The following DACH1 variants were observed in gnomAD, a reference collection of about 807,000 sequenced individuals.
The protein encoded by DACH1 is dachshund homolog 1.
Under a neutral mutation model 54.2 loss-of-function variants are expected in DACH1, and 12 were observed. That is an observed-to-expected ratio of 0.22 (90% CI 0.14 to 0.36). DACH1 has a LOEUF of 0.36. DACH1 is among the 10% of genes least tolerant of loss of function. The pLI is 1.00. For missense variants in DACH1, 805 were observed against 929.8 expected, an observed-to-expected ratio of 0.87 and a Z score of 1.75; for synonymous variants, 386 against 366.2, an observed-to-expected ratio of 1.05 and a Z score of -0.62.
At chr13:71,540,458 CTTTTG>C (rs1167471638) in intron 6 of DACH1, among the ~76,000 whole-genome samples, 1 of 152,060 alleles carries the variant, frequency 6.6e-6, no homozygotes, top group Non-Finnish European at 1.5e-5. Context: ...CAGGATGCCT[CTTTTG>C]TTTTAACTAT....
At chr13:71,529,694 C>T (rs929172200) in intron 6 of DACH1, among the ~76,000 whole-genome samples, 9 of 152,096 alleles carry the variant, frequency 5.9e-5, no homozygotes, top group African/African-American at 2.2e-4. Context: ...CTGTATATCA[C>T]CATTCATCTT....
intron 3 of DACH1, among the ~76,000 whole-genome samples, chr13:71,613,621 T>A (rs879324292): frequency 8.5e-5 from 13 of 152,164 alleles, no homozygotes; most frequent in African/African-American, 3.1e-4. Flanking sequence ...GGAATTTGAA[T>A]CCTAGATATG....
intron 1 of DACH1, among the ~76,000 whole-genome samples, chr13:71,722,164 A>G (rs1446263163): frequency 1.3e-5 from 2 of 152,166 alleles, no homozygotes; most frequent in Non-Finnish European, 1.5e-5. Flanking sequence ...AAAGTGAGGA[A>G]ACCATCTTCC....
intron 1 of DACH1, among the ~76,000 whole-genome samples, chr13:71,849,399 G>A (rs531366708): frequency 8.5e-5 from 13 of 152,256 alleles, no homozygotes; most frequent in African/African-American, 1.9e-4. Flanking sequence ...GAGACCTGCC[G>A]TTACACAAGC....
intron 1 of DACH1, among the ~76,000 whole-genome samples, chr13:71,815,889 T>C (rs1226424031): frequency 6.6e-6 from 1 of 151,770 alleles, no homozygotes; most frequent in Non-Finnish European, 1.5e-5. Context: ...ATCGAGACCA[T>C]CCTGGCTAAC....
In DACH1 at chr13:71,504,769, A is replaced by T. The variant is rs144027883; in HGVS notation, c.1571-15621T>A. On this transcript the variant is annotated intron_variant, in intron 6 of 10. Coordinates refer to ENST00000613252, the MANE Select transcript of DACH1 (RefSeq NM_080759.6). ...ACTTTTTATTTCGATGGCATGTTCA[A>T]TGTATATCAAGCTACCATTATTACT... 6.6e-5 allele frequency among the ~76,000 whole-genome samples: 10 copies of T among 152,272 alleles called. No individual in the cohort carries two copies. In the East Asian group the frequency reaches 1.9e-3, roughly 29 times the overall value.
At chr13:71,727,675 A>G (rs971108108) in intron 1 of DACH1, among the ~76,000 whole-genome samples, 1 of 152,072 alleles carries the variant, frequency 6.6e-6, no homozygotes, top group Non-Finnish European at 1.5e-5. Flanking sequence ...GTTGCTGTGG[A>G]ATGTAGTTGG....
chr13:71,713,185 A>C (rs1324709628), intron 1 of DACH1, among the ~76,000 whole-genome samples: 1 of 151,556 alleles, frequency 6.6e-6, no homozygotes, highest in Non-Finnish European at 1.5e-5. Flanking sequence ...GTCCACGTTG[A>C]CCTAGCAGGG....
intron 1 of DACH1, among the ~76,000 whole-genome samples, chr13:71,701,399 C>T (rs566290703): frequency 1.3e-5 from 2 of 152,210 alleles, no homozygotes; most frequent in East Asian, 3.9e-4. Context: ...AATTGTAGTA[C>T]TTTAGTAACC....
chr13:71,817,798 CT>C (rs1888018273), intron 1 of DACH1, among the ~76,000 whole-genome samples: 2 of 139,014 alleles, frequency 1.4e-5, no homozygotes, highest in African/African-American at 5.5e-5. Flanking sequence ...TATTTTCTTT[CT>C]TTCTTTCTTT....
intron 2 of DACH1, among the ~76,000 whole-genome samples, chr13:71,638,792 T>C (rs1158722693): frequency 1.3e-5 from 2 of 152,186 alleles, no homozygotes; most frequent in Non-Finnish European, 2.9e-5. Context: ...CACTTATTCA[T>C]TTAAACCTTT....
At chr13:71,634,837 T>A (rs2138580560) in intron 2 of DACH1, among the ~76,000 whole-genome samples, 1 of 152,272 alleles carries the variant, frequency 6.6e-6, no homozygotes, top group South Asian at 2.1e-4. Flanking sequence ...AATCATCAGG[T>A]CTGGTTTGAG....
chr13:71,478,553 T>C (rs1877771200), intron 8 of DACH1, among the ~76,000 whole-genome samples: 2 of 152,190 alleles, frequency 1.3e-5, no homozygotes, highest in Non-Finnish European at 2.9e-5. Context: ...AAATTATCTA[T>C]AGATGCACCA....
At chr13:71,849,765 T>C (rs887140051) in intron 1 of DACH1, among the ~76,000 whole-genome samples, 5 of 152,218 alleles carry the variant, frequency 3.3e-5, no homozygotes, top group Non-Finnish European at 2.9e-5. Context: ...CTAATATTCT[T>C]CCACTCTGAA....
chr13:71,702,035 AT>A (rs1044998635), intron 1 of DACH1, among the ~76,000 whole-genome samples: 19 of 152,136 alleles, frequency 1.2e-4, no homozygotes, highest in African/African-American at 4.6e-4. Context: ...ATCCAAAAAA[AT>A]AAATAAATAA....
chr13:71,768,163 AC>A (rs561777672), intron 1 of DACH1, among the ~76,000 whole-genome samples: 75 of 151,954 alleles, frequency 4.9e-4, no homozygotes, highest in African/African-American at 1.8e-3. Context: ...ACATTACTTG[AC>A]CTCTTTCTTT....
intron 1 of DACH1, among the ~76,000 whole-genome samples, chr13:71,841,627 C>G (rs9572797): frequency 2.0e-5 from 3 of 151,810 alleles, no homozygotes; most frequent in African/African-American, 7.3e-5. Context: ...GGTGGTTGTC[C>G]CACTCAAACA....
In DACH1 at chr13:71,866,856, G is replaced by C; in HGVS notation, c.-87C>G. The C allele has an allele frequency of 1.3e-5, 12 of 946,862 alleles. No homozygotes were observed. Among genetic ancestry groups the C allele is most frequent in the East Asian group, 1.2e-4 (2 of 17,160 alleles). The allele number at this position is 946,862 out of a possible 1,614,324, so 58.7% of individuals were successfully genotyped here. The stretch of plus-strand genomic sequence containing the variant: ...GGGAGGGGAAGGGGAAAAAAGGGGG[G>C]AGAAGGAGCGAGGGGGGCAACAACA... On this transcript the variant is annotated 5_prime_UTR_variant, in exon 1 of 11. Transcript: ENST00000613252.
intron 1 of DACH1, among the ~76,000 whole-genome samples, chr13:71,794,067 A>T (rs1222388793): frequency 4.0e-5 from 4 of 99,602 alleles, no homozygotes; most frequent in African/African-American, 1.8e-4. Context: ...TTTTTTCCTT[A>T]AAAAAAAAGG....
Sources: gnomAD v4.1 joint callset for allele counts (sites outside exome capture counted in the v4.1 genomes callset) on GRCh38, gnomAD v4.1.1 for gene constraint, MANE v1.5 for transcripts, NCBI Gene and HGNC (gene_info 2026-07-23, HGNC 2026-07-21) for gene names.